The following PRKN variants were observed in gnomAD, a reference collection of about 807,000 sequenced individuals.
The protein encoded by PRKN is E3 ubiquitin-protein ligase parkin.
A neutral mutation model predicts 59.5 loss-of-function variants in PRKN; 56 were observed. That is an observed-to-expected ratio of 0.94 (90% CI 0.76 to 1.18). The LOEUF is 1.18. Ranked by LOEUF, PRKN falls within the 50% of genes most tolerant of loss-of-function variation. The pLI is 0.00. For missense variants in PRKN, 657 were observed against 596.4 expected (o/e 1.10, Z -1.06); for synonymous variants, 250 against 222.1 (o/e 1.13, Z -1.12).
At chr6:162,646,429 T>C (rs1442256513) in intron 1 of PRKN, among the ~76,000 whole-genome samples, 1 of 151,984 alleles carries the variant, frequency 6.6e-6, no homozygotes, top group African/African-American at 2.4e-5. Context: ...CATGTCACCA[T>C]GCTTGGCTAA....
At chr6:161,681,645 G>A (rs1227999747) in intron 7 of PRKN, among the ~76,000 whole-genome samples, 1 of 152,170 alleles carries the variant, frequency 6.6e-6, no homozygotes, top group Non-Finnish European at 1.5e-5. Flanking sequence ...CTTCGCTCCT[G>A]GTTCTGATGG....
intron 1 of PRKN, among the ~76,000 whole-genome samples, chr6:162,601,015 C>T (rs187093777): frequency 2.6e-5 from 4 of 152,178 alleles, no homozygotes; most frequent in Non-Finnish European, 4.4e-5. Context: ...AACACAATAC[C>T]GCAGACTGGG....
chr6:162,495,490 T>A (rs1439166342), intron 1 of PRKN, among the ~76,000 whole-genome samples: 1 of 151,998 alleles, frequency 6.6e-6, no homozygotes, highest in East Asian at 1.9e-4. Context: ...GGAACCATTG[T>A]TTCCCACTCT....
intron 2 of PRKN, among the ~76,000 whole-genome samples, chr6:162,363,926 A>G (rs768109048): frequency 5.9e-5 from 9 of 152,174 alleles, no homozygotes; most frequent in South Asian, 2.1e-4. Flanking sequence ...GCGGCTTGCT[A>G]TAACAGTAGT....
Position 161,884,295 on chromosome 6 carries a change from C to T in PRKN, c.734+89007G>A, listed in dbSNP as rs981533371. 9.1e-4 allele frequency among the ~76,000 whole-genome samples: 138 copies of T among 152,108 alleles called. 2 individuals carry two copies. Among genetic ancestry groups the T allele is most frequent in the Non-Finnish European group, 2.9e-4 (20 of 68,018 alleles). ...AGATGTGTCGTGTCAACTAATTCAA[C>T]CATTTAAGTAGGTCTATCAGTTTAT... is the stretch of plus-strand genomic sequence containing the variant. On this transcript the variant is annotated intron_variant, in intron 6 of 11. Transcript: ENST00000366898.
intron 1 of PRKN, among the ~76,000 whole-genome samples, chr6:162,497,632 T>C (rs1228215013): frequency 6.6e-6 from 1 of 152,218 alleles, no homozygotes; most frequent in Admixed American, 6.5e-5. Flanking sequence ...TTATCTGTTG[T>C]GCCTGAATAA....
At chr6:162,522,170 C>A (rs1304020093) in intron 1 of PRKN, among the ~76,000 whole-genome samples, 1 of 152,190 alleles carries the variant, frequency 6.6e-6, no homozygotes, top group Non-Finnish European at 1.5e-5. Context: ...ATCACCCAGG[C>A]TAGAGTGTAG....
chr6:162,614,120 A>G (rs538805498), intron 1 of PRKN, among the ~76,000 whole-genome samples: 2 of 152,334 alleles, frequency 1.3e-5, no homozygotes, highest in Non-Finnish European at 2.9e-5. Flanking sequence ...GATTCTGACA[A>G]TATTACTTTT....
intron 1 of PRKN, among the ~76,000 whole-genome samples, chr6:162,643,232 T>C (rs755466565): frequency 2.9e-4 from 44 of 151,852 alleles, no homozygotes; most frequent in Non-Finnish European, 5.4e-4. Flanking sequence ...ACCCCGTCTC[T>C]ACTAAAAATA....
chr6:162,202,145 A>T (rs1459732895), intron 3 of PRKN, among the ~76,000 whole-genome samples: 1 of 152,210 alleles, frequency 6.6e-6, no homozygotes, highest in East Asian at 1.9e-4. Context: ...ACAGATCATG[A>T]CATAAAAGTT....
At position 161,386,728 on chromosome 6, in the gene PRKN, G is replaced by C. The variant is rs2114943101; in HGVS notation, c.1167+66C>G. ...GAATGGAACTCTCCATGACCTCCAG[G>C]AAACGGCTCCAGTCCCCCACTGTAT... On this transcript the variant is annotated intron_variant, in intron 10 of 11. Transcript: ENST00000366898. The surrounding 1 kb of genome is among the most constrained non-coding windows in gnomAD (Gnocchi z 4.3). 8.0e-7 allele frequency: 1 copy of C among 1,246,782 alleles called. No individual in the cohort carries two copies. The highest frequency in any genetic ancestry group is 1.2e-5 in the South Asian group (1 of 83,720). The allele number at this position is 1,246,782 out of a possible 1,614,324, so 77.2% of individuals were successfully genotyped here.
At chr6:161,779,441 T>TTTTTTC (rs1790106204) in intron 7 of PRKN, among the ~76,000 whole-genome samples, 1 of 27,324 alleles carries the variant, frequency 3.7e-5, no homozygotes, top group African/African-American at 1.9e-4. Context: ...TTTTCTTTTC[T>TTTTTTC]TTTTTTTTTT....
intron 1 of PRKN, among the ~76,000 whole-genome samples, chr6:162,722,429 T>C (rs535858610): frequency 3.0e-4 from 45 of 152,284 alleles, no homozygotes; most frequent in African/African-American, 1.0e-3. Flanking sequence ...CAGCCGACTG[T>C]CACATGAGTC....
chr6:162,253,586 C>T (rs570430407), intron 3 of PRKN, among the ~76,000 whole-genome samples: 66 of 152,196 alleles, frequency 4.3e-4, no homozygotes, highest in Non-Finnish European at 7.6e-4. Context: ...AAATCCTAAA[C>T]GCTCAATTTG....
At chr6:161,825,921 C>T (rs969549167) in intron 6 of PRKN, among the ~76,000 whole-genome samples, 4 of 152,160 alleles carry the variant, frequency 2.6e-5, no homozygotes, top group Admixed American at 6.5e-5. Context: ...CCTGAAGCTG[C>T]GGCCGGCAAG....
chr6:161,759,096 G>A (rs1454258874), intron 7 of PRKN, among the ~76,000 whole-genome samples: 1 of 151,906 alleles, frequency 6.6e-6, no homozygotes, highest in Non-Finnish European at 1.5e-5. Flanking sequence ...AGAATAGCTT[G>A]AACTCCAGAG....
chr6:161,617,176 T>A (rs995111782), intron 7 of PRKN, among the ~76,000 whole-genome samples: 1 of 152,264 alleles, frequency 6.6e-6, no homozygotes, highest in Non-Finnish European at 1.5e-5. Flanking sequence ...TGAGCTTTTT[T>A]TCATATGCTT....
At chr6:161,474,447 T>G (rs1790963972) in intron 9 of PRKN, among the ~76,000 whole-genome samples, 1 of 152,218 alleles carries the variant, frequency 6.6e-6, no homozygotes, top group Non-Finnish European at 1.5e-5. Flanking sequence ...CTACCTGAAG[T>G]TTGGTGTTTC....
chr6:161,799,724 G>A (rs2128210274), intron 6 of PRKN, among the ~76,000 whole-genome samples: 1 of 152,334 alleles, frequency 6.6e-6, no homozygotes, highest in South Asian at 2.1e-4. Flanking sequence ...AAAAGTGACA[G>A]CAAGGAAATG....
Sources: gnomAD v4.1 joint callset for allele counts (sites outside exome capture counted in the v4.1 genomes callset) on GRCh38, gnomAD v4.1.1 for gene constraint, Gnocchi (gnomAD v3.1) non-coding constraint, MANE v1.5 for transcripts, NCBI Gene and HGNC (gene_info 2026-07-23, HGNC 2026-07-21) for gene names.